MFSD11: variants seen among roughly 807,000 people sequenced by gnomAD.
MFSD11 encodes UNC93-like protein MFSD11.
MFSD11 carries 36 observed loss-of-function variants against 53.5 expected under a neutral mutation model. That is an observed-to-expected ratio of 0.67 (90% confidence interval 0.52 to 0.89). The LOEUF (loss-of-function observed/expected upper bound fraction) is 0.89, where lower values mean the gene tolerates loss of function less well. Ranked by LOEUF, MFSD11 falls within the 40% of genes least tolerant of loss-of-function variation. MFSD11 has a pLI of 0.00. For missense variants in MFSD11, 530 were observed against 543.9 expected (o/e 0.97, Z 0.25); for synonymous variants, 186 against 184.9 (o/e 1.01, Z -0.05).
the MFSD11 span, among the ~76,000 whole-genome samples, chr17:76,787,232 T>A: frequency 6.7e-6 from 1 of 149,200 alleles, no homozygotes; most frequent in African/African-American, 2.5e-5. Flanking sequence ...GCCTCCTGGG[T>A]TCAAGCGATT....
rs745838969 is a variant in MFSD11, at chr17:76,744,374, G to A, written c.549G>A (p.Gly183=). The change falls in exon 7 of 13, where the codon GGG becomes GGA. Residue 183 remains glycine, a synonymous_variant. Transcript: ENST00000685175. ...CCCTAACGGTGATTAGCCTTGTGGG[G>A]ACAGTTCTATTCTTTCTCATTCGGA... ...FIALTVISLV[G]TVLFFLIRKP... The A allele has an allele frequency of 3.7e-6, 6 of 1,614,004 alleles. No individual in the cohort carries two copies. The African/African-American group carries it at 6.7e-5, about 18-fold the overall frequency.
chr17:76,744,743 C>T (rs566456136), intron 7 of MFSD11, among the ~76,000 whole-genome samples: 2 of 152,326 alleles, frequency 1.3e-5, no homozygotes, highest in East Asian at 3.9e-4. Flanking sequence ...CAATTCCTTT[C>T]ATGTCTCCAG....
intron 7 of MFSD11, among the ~76,000 whole-genome samples, chr17:76,748,861 C>G (rs550442575): frequency 2.3e-4 from 35 of 152,128 alleles, no homozygotes; most frequent in African/African-American, 8.2e-4. Context: ...TCACTTCTTA[C>G]CTTCCTGCAT....
At chr17:76,796,045 A>G in the MFSD11 span, among the ~76,000 whole-genome samples, 2 of 152,044 alleles carry the variant, frequency 1.3e-5, no homozygotes, top group Non-Finnish European at 2.9e-5. Flanking sequence ...TCCATGCAAA[A>G]CCAAAACTTC....
chr17:76,759,094 A>G (rs1890019519), intron 8 of MFSD11, among the ~76,000 whole-genome samples: 1 of 152,020 alleles, frequency 6.6e-6, no homozygotes, highest in Admixed American at 6.6e-5. Context: ...AAAAATAAAA[A>G]AATAAAATAA....
intron 2 of MFSD11, 82 bp from the exon 3 acceptor site, chr17:76,740,875 A>G: frequency 1.3e-6 from 1 of 787,816 alleles, no homozygotes; most frequent in Non-Finnish European, 2.1e-6. Context: ...ATCTATAAAC[A>G]AATGGATTTT....
chr17:76,741,842 A>G, intron 3 of MFSD11, 127 bp from the exon 4 acceptor site: 3 of 1,456,330 alleles, frequency 2.1e-6, no homozygotes, highest in Non-Finnish European at 2.8e-6. Flanking sequence ...TTTTTTCAAA[A>G]CTGGAGCGAT....
At chr17:76,759,495 C>T (rs981287718) in intron 8 of MFSD11, among the ~76,000 whole-genome samples, 1 of 151,894 alleles carries the variant, frequency 6.6e-6, no homozygotes, top group Non-Finnish European at 1.5e-5. Context: ...GGCTCTGTCA[C>T]CCAGGCTGGA....
intron 10 of MFSD11, among the ~76,000 whole-genome samples, chr17:76,770,206 T>G (rs1204847895): frequency 6.6e-6 from 1 of 151,596 alleles, no homozygotes. Flanking sequence ...CCCGGCTAAT[T>G]TTTTTGTATT....
At chr17:76,755,812 ATT>A (rs552254902) in intron 8 of MFSD11, among the ~76,000 whole-genome samples, 7 of 19,518 alleles carry the variant, frequency 3.6e-4, no homozygotes, top group Middle Eastern at 0.045. Flanking sequence ...ATATATATAT[ATT>A]TTTTTTTTTT....
At chr17:76,792,799 T>C in the MFSD11 span, among the ~76,000 whole-genome samples, 1 of 151,406 alleles carries the variant, frequency 6.6e-6, no homozygotes, top group Admixed American at 6.6e-5. Flanking sequence ...CTGCCCCCAA[T>C]AGTCATGTAG....
chr17:76,798,375 T>G, the MFSD11 span, among the ~76,000 whole-genome samples: 1 of 151,906 alleles, frequency 6.6e-6, no homozygotes, highest in African/African-American at 2.4e-5. Flanking sequence ...TCTCCAGATT[T>G]GAGAGATTTT....
downstream of MFSD11, among the ~76,000 whole-genome samples, chr17:76,779,603 G>A (rs911026371): frequency 6.6e-6 from 1 of 152,126 alleles, no homozygotes; most frequent in East Asian, 1.9e-4. Context: ...TCATTCTTTA[G>A]CCTCCCAACT....
downstream of MFSD11, among the ~76,000 whole-genome samples, chr17:76,782,303 G>A (rs1317080687): frequency 1.3e-5 from 2 of 151,970 alleles, no homozygotes; most frequent in Non-Finnish European, 2.9e-5. Flanking sequence ...AGCTTCCCAA[G>A]TAGCTGGGAT....
chr17:76,791,143 T>C, the MFSD11 span, among the ~76,000 whole-genome samples: 3 of 148,420 alleles, frequency 2.0e-5, no homozygotes, highest in Admixed American at 1.3e-4. Flanking sequence ...TGGGCTATGA[T>C]TTACTGGTTT....
chr17:76,781,555 C>G (rs190847242), downstream of MFSD11: 2 of 152,332 alleles, frequency 1.3e-5, no homozygotes, highest in East Asian at 3.9e-4. Flanking sequence ...TATTCCCAAG[C>G]CTCGCATTCT....
intron 7 of MFSD11, among the ~76,000 whole-genome samples, chr17:76,745,910 C>G (rs1480457188): frequency 2.0e-5 from 3 of 152,092 alleles, no homozygotes; most frequent in Non-Finnish European, 4.4e-5. Flanking sequence ...TCACTGCAGC[C>G]TCTGCCTCAG....
chr17:76,740,967 AT>A lies in MFSD11; in HGVS notation c.164del (p.Ile55ThrfsTer10). ...HGSGYTSMAI[I>X]YGVFSASNLI... is the part of the protein sequence containing the mutation. ...GTATTATGTGTGCAGCATGGCTATTATCTATGGAGTGTTCTCTGCTTCAAAT... is the reference window on the plus strand; with the variant it reads ...GTATTATGTGTGCAGCATGGCTATTACTATGGAGTGTTCTCTGCTTCAAAT... On this transcript the variant is annotated frameshift_variant, in exon 3 of 13. Transcript: ENST00000685175. LOFTEE classifies it high-confidence loss of function. 6.4e-7 allele frequency: 1 copy of A among 1,569,364 alleles called. No individual in the cohort carries two copies. The highest frequency in any genetic ancestry group is 8.7e-7 in the Non-Finnish European group (1 of 1,155,688).
intron 2 of MFSD11, 40 bp from the exon 3 acceptor site, chr17:76,740,915 TTC>T: frequency 8.4e-7 from 1 of 1,194,150 alleles, no homozygotes; most frequent in Non-Finnish European, 1.2e-6. Flanking sequence ...AAGGGCTTTG[TTC>T]TTTTTTTTTT....
Sources: gnomAD v4.1 joint callset for allele counts (sites outside exome capture counted in the v4.1 genomes callset) on GRCh38, gnomAD v4.1.1 for gene constraint, MANE v1.5 for transcripts, NCBI Gene and HGNC (gene_info 2026-07-23, HGNC 2026-07-21) for gene names.